Variants in CTCF observed in about 807,000 individuals in gnomAD.
The protein encoded by CTCF is transcriptional repressor CTCF.
Under a neutral mutation model 72.3 loss-of-function variants are expected in CTCF, and 7 were observed. The observed-to-expected ratio is 0.10, with a 90% CI of 0.06 to 0.18. The LOEUF (loss-of-function observed/expected upper bound fraction) is 0.18. Ranked by LOEUF, CTCF falls within the 10% of genes least tolerant of loss-of-function variation. CTCF has a pLI of 1.00. For synonymous variants in CTCF, 374 were observed against 315.8 expected, an observed-to-expected ratio of 1.18 and a Z score of -1.95; for missense variants, 516 against 949.1, an observed-to-expected ratio of 0.54 and a Z score of 6.00.
At chr16:67,585,678 A>G (rs1450466017) in intron 2 of CTCF, among the ~76,000 whole-genome samples, 5 of 152,184 alleles carry the variant, frequency 3.3e-5, no homozygotes, top group Admixed American at 2.0e-4. Flanking sequence ...AATAAACTCT[A>G]ATATAACAAA....
At chr16:67,624,781 A>G (rs1597723892) in intron 7 of CTCF, among the ~76,000 whole-genome samples, 2 of 151,490 alleles carry the variant, frequency 1.3e-5, no homozygotes, top group African/African-American at 4.9e-5. Flanking sequence ...TTTGGTAGAG[A>G]CAGGGTTTCA....
rs774284133 is a variant in CTCF at position 67,621,601 on chromosome 16, TTAAC to T, written c.1357+13_1357+16del. ...CGAAAAAGTGATTTGGGTAAGTAGA[TTAAC>T]TAGTGAGAAGTGAAAAAAATATTTT... is the stretch of plus-strand genomic sequence containing the variant. On this transcript the variant is annotated intron_variant, in intron 7 of 11. Coordinates refer to ENST00000264010, the MANE Select transcript of CTCF (RefSeq NM_006565.4). The T allele has an allele frequency of 8.8e-6, 14 of 1,583,990 alleles. No individual in the cohort carries two copies. Among genetic ancestry groups the T allele is most frequent in the Admixed American group, 3.4e-5 (2 of 59,458 alleles).
intron 2 of CTCF, among the ~76,000 whole-genome samples, chr16:67,582,424 G>A (rs1280428447): frequency 1.3e-5 from 2 of 152,064 alleles, no homozygotes; most frequent in East Asian, 3.9e-4. Context: ...CAGGCAGGGT[G>A]GCTCATGCCT....
chr16:67,636,715 C>T lies in CTCF; in HGVS notation c.1863C>T (p.Asp621=). The change falls in exon 11 of 12, where the codon GAC becomes GAT. Residue 621 remains aspartate, a synonymous_variant. Transcript: ENST00000264010. ...DSENAEPDLD[D]NEDEEEPAVE... The stretch of plus-strand genomic sequence containing the variant: ...AAAATGCTGAACCAGATCTGGACGA[C>T]AATGAGGATGAGGAGGAGCCTGCCG... The T allele has an allele frequency of 6.2e-7, 1 of 1,608,556 alleles. No individual in the cohort carries two copies. The highest frequency in any genetic ancestry group is 1.1e-5 in the South Asian group (1 of 89,710).
intron 7 of CTCF, among the ~76,000 whole-genome samples, chr16:67,625,690 T>C (rs916985734): frequency 2.0e-5 from 3 of 152,194 alleles, no homozygotes; most frequent in Admixed American, 6.5e-5. Flanking sequence ...ATCTTTCTTT[T>C]GAGTTAGCCT....
chr16:67,636,650 T>C, intron 10 of CTCF, 40 bp from the exon 11 acceptor site: 1 of 1,525,202 alleles, frequency 6.6e-7, no homozygotes, highest in Non-Finnish European at 8.9e-7. Flanking sequence ...ACCACCCTTC[T>C]CCTTGCCCCA....
intron 5 of CTCF, among the ~76,000 whole-genome samples, chr16:67,619,730 T>C (rs1452076244): frequency 1.3e-5 from 2 of 152,108 alleles, no homozygotes; most frequent in Admixed American, 6.6e-5. Context: ...ACTACAGGCA[T>C]GTGCCATCAC....
At chr16:67,616,958 A>T in intron 5 of CTCF, 80 bp downstream of exon 5, 1 of 1,430,808 alleles carries the variant, frequency 7.0e-7, no homozygotes, top group South Asian at 1.2e-5. Flanking sequence ...CTACTACCCA[A>T]ACGGACTTAA....
At chr16:67,601,987 C>T (rs192312124) in intron 2 of CTCF, among the ~76,000 whole-genome samples, 1 of 151,960 alleles carries the variant, frequency 6.6e-6, no homozygotes, top group African/African-American at 2.4e-5. Context: ...CCTCAGCCTC[C>T]CAAATAGCTG....
chr16:67,577,474 G>A (rs1052581753), intron 2 of CTCF, among the ~76,000 whole-genome samples: 6 of 147,768 alleles, frequency 4.1e-5, no homozygotes, highest in Non-Finnish European at 8.9e-5. Context: ...GTCTCGCTCT[G>A]TTGCCCAGGC....
intron 7 of CTCF, among the ~76,000 whole-genome samples, chr16:67,624,068 T>G (rs1184202338): frequency 9.4e-6 from 1 of 106,194 alleles, no homozygotes; most frequent in African/African-American, 3.7e-5. Context: ...AAAAAAATTA[T>G]ATATGTGTGT....
At chr16:67,614,570 T>G (rs1228426305) in intron 4 of CTCF, 1 of 151,906 alleles carries the variant, frequency 6.6e-6, no homozygotes, top group Non-Finnish European at 1.5e-5. Context: ...CCGGGTGTGG[T>G]GGCTTACGCC....
intron 4 of CTCF, chr16:67,616,214 C>T (rs1338881228): frequency 6.5e-6 from 1 of 152,916 alleles, no homozygotes; most frequent in African/African-American, 2.4e-5. Flanking sequence ...TCTGAAATTC[C>T]TTATCAAGAC....
intron 2 of CTCF, among the ~76,000 whole-genome samples, chr16:67,582,051 G>T (rs999021314): frequency 4.0e-5 from 6 of 151,706 alleles, no homozygotes; most frequent in Admixed American, 1.3e-4. Flanking sequence ...GTGAAACCCC[G>T]TCTCTACTAA....
chr16:67,601,413 A>C (rs1303587667), intron 2 of CTCF, among the ~76,000 whole-genome samples: 1 of 149,678 alleles, frequency 6.7e-6, no homozygotes, highest in Admixed American at 6.7e-5. Context: ...ATCTCGGCTC[A>C]CTGCAAGCTC....
intron 2 of CTCF, among the ~76,000 whole-genome samples, chr16:67,574,842 A>G (rs1226773164): frequency 2.0e-5 from 3 of 151,076 alleles, no homozygotes; most frequent in African/African-American, 7.3e-5. Context: ...TATTTTTAGC[A>G]GAGACAGAGT....
chr16:67,633,745 C>CA (rs1033676343), intron 10 of CTCF, among the ~76,000 whole-genome samples: 7 of 148,866 alleles, frequency 4.7e-5, no homozygotes, highest in South Asian at 2.1e-4. Context: ...GACCCCGCCT[C>CA]AAAAAAAAAG....
chr16:67,566,515 TA>T (rs377253111), intron 1 of CTCF, among the ~76,000 whole-genome samples: 4,138 of 76,308 alleles, frequency 0.054, 111 homozygotes, highest in African/African-American at 0.11. Flanking sequence ...GTCTCAAAAT[TA>T]AAAAAAAAAA....
chr16:67,575,237 A>G (rs1242845838), intron 2 of CTCF, among the ~76,000 whole-genome samples: 1 of 152,140 alleles, frequency 6.6e-6, no homozygotes, highest in Non-Finnish European at 1.5e-5. Context: ...TGGGTGACAG[A>G]GTAAGACCCT....
Sources: allele counts gnomAD v4.1 joint callset (sites outside exome capture counted in the v4.1 genomes callset), GRCh38; gene constraint gnomAD v4.1.1; transcripts MANE v1.5; gene names NCBI Gene and HGNC (gene_info 2026-07-23, HGNC 2026-07-21).